ATP10A: variants seen among roughly 807,000 people sequenced by gnomAD.
ATP10A encodes phospholipid-transporting ATPase VA.
In ATP10A, 111 loss-of-function variants were observed where a neutral mutation model predicts 147.8. That is an observed-to-expected ratio of 0.75 (90% CI 0.64 to 0.88). The LOEUF is 0.88. Ranked by LOEUF, ATP10A falls within the 40% of genes least tolerant of loss-of-function variation. The probability of loss-of-function intolerance (pLI) is 0.00; values close to 1 mark genes in which losing one functional copy is unlikely to be tolerated. For synonymous variants in ATP10A, 875 were observed against 841.6 expected, an observed-to-expected ratio of 1.04 and a Z score of -0.69; for missense variants, 1,927 against 1,959.0, an observed-to-expected ratio of 0.98 and a Z score of 0.31.
intron 2 of ATP10A, among the ~76,000 whole-genome samples, chr15:25,767,157 G>C (rs369463369): frequency 6.6e-6 from 1 of 152,180 alleles, no homozygotes; most frequent in Non-Finnish European, 1.5e-5. Context: ...GACACTCACC[G>C]CTGCAGGCCT....
chr15:25,773,094 G>A (rs1889420798), intron 2 of ATP10A, among the ~76,000 whole-genome samples: 5 of 152,078 alleles, frequency 3.3e-5, no homozygotes, highest in South Asian at 4.1e-4. Context: ...TCCTGAAGTC[G>A]AGTTCTTGCT....
At chr15:25,804,965 C>T (rs1219481931) in intron 1 of ATP10A, among the ~76,000 whole-genome samples, 2 of 152,114 alleles carry the variant, frequency 1.3e-5, no homozygotes, top group South Asian at 4.1e-4. Context: ...GGAGGCTCTT[C>T]GTTTGGAAAA....
At chr15:25,827,079 A>C (rs916799248) in intron 1 of ATP10A, among the ~76,000 whole-genome samples, 5 of 152,240 alleles carry the variant, frequency 3.3e-5, no homozygotes, top group African/African-American at 1.2e-4. Context: ...CTGATCAGAA[A>C]TCATGAAGGA....
downstream of ATP10A, among the ~76,000 whole-genome samples, chr15:25,676,795 C>A (rs1348648017): frequency 6.6e-6 from 1 of 152,052 alleles, no homozygotes; most frequent in African/African-American, 2.4e-5. Context: ...TTACTTTCAA[C>A]CCACTATCTT....
At chr15:25,694,523 C>G (rs1409020596) in intron 14 of ATP10A, among the ~76,000 whole-genome samples, 1 of 152,188 alleles carries the variant, frequency 6.6e-6, no homozygotes, top group African/African-American at 2.4e-5. Context: ...CTGGGACAGG[C>G]AGGTCTCTTG....
At position 25,757,444 on chromosome 15, in the gene ATP10A, T is replaced by C. The variant is rs562152511; in HGVS notation, c.655-21303A>G. Among the ~76,000 whole-genome samples, 3 of 152,230 alleles carry C rather than the reference T, an allele frequency of 2.0e-5. No homozygotes were observed. The East Asian group carries it at 5.8e-4, about 29-fold the overall frequency. On this transcript the variant is annotated intron_variant, in intron 2 of 20. Coordinates refer to ENST00000555815, the MANE Select transcript of ATP10A (RefSeq NM_024490.4). ...AAATGTACAAAGAAAGTAAGATGTG[T>C]TTTTGGTGAGAAAAATCTTGAGAAG...
Position 25,687,765 on chromosome 15 carries a change from G to A in ATP10A, c.3229C>T (p.His1077Tyr). ...FRYLERLLILHGHWCYSRLAN... is the reference protein window; with the variant it reads ...FRYLERLLILYGHWCYSRLAN... ...AGTCGGGAGTAGCACCAATGCCCGT[G>A]AAGAATCAAGAGCCTCTCCAGGTAT... The change falls in exon 16 of 21, where the codon CAC becomes TAC. Residue 1077 changes from histidine (H) to tyrosine (Y), a missense_variant. Physicochemically the swap from His to Tyr is moderately conservative, Grantham distance 83. Transcript: ENST00000555815. The A allele has an allele frequency of 6.2e-7, 1 of 1,613,640 alleles. No individual in the cohort carries two copies. Among genetic ancestry groups the A allele is most frequent in the Non-Finnish European group, 8.5e-7 (1 of 1,179,644 alleles).
intron 1 of ATP10A, among the ~76,000 whole-genome samples, chr15:25,795,933 C>T (rs553485886): frequency 1.3e-5 from 2 of 152,124 alleles, no homozygotes; most frequent in African/African-American, 4.8e-5. Context: ...AGCCTGGCAC[C>T]CCCCTCCTCA....
At chr15:25,721,130 G>C (rs1288064370) in intron 7 of ATP10A, among the ~76,000 whole-genome samples, 1 of 152,208 alleles carries the variant, frequency 6.6e-6, no homozygotes, top group Admixed American at 6.5e-5. Flanking sequence ...AGGTTGGAAG[G>C]AGGCAGCCAC....
chr15:25,860,315 C>T (rs931383409), intron 1 of ATP10A, among the ~76,000 whole-genome samples: 6 of 152,196 alleles, frequency 3.9e-5, no homozygotes, highest in Non-Finnish European at 8.8e-5. Context: ...TTGTCCTGCA[C>T]TGGGACGCCT....
chr15:25,732,851 G>A (rs547542039), intron 3 of ATP10A, among the ~76,000 whole-genome samples: 2 of 151,866 alleles, frequency 1.3e-5, no homozygotes, highest in Non-Finnish European at 1.5e-5. Context: ...CACCGCGCCC[G>A]GCCACGACAC....
intron 1 of ATP10A, among the ~76,000 whole-genome samples, chr15:25,810,505 G>A (rs893868516): frequency 6.6e-6 from 1 of 152,192 alleles, no homozygotes; most frequent in Non-Finnish European, 1.5e-5. Flanking sequence ...GTGCCACTGG[G>A]ACTCTGGGCA....
intron 1 of ATP10A, among the ~76,000 whole-genome samples, chr15:25,860,678 G>A (rs1310639753): frequency 1.3e-5 from 2 of 152,154 alleles, no homozygotes; most frequent in Admixed American, 6.5e-5. Flanking sequence ...GGAGGGGAAC[G>A]TAGATGGGTG....
intron 2 of ATP10A, among the ~76,000 whole-genome samples, chr15:25,755,654 T>C (rs980625772): frequency 1.3e-5 from 2 of 152,150 alleles, no homozygotes; most frequent in South Asian, 4.1e-4. Flanking sequence ...GCCCAACCTC[T>C]GAAAATGGTC....
chr15:25,773,528 G>A (rs1889445309), intron 2 of ATP10A, among the ~76,000 whole-genome samples: 1 of 152,098 alleles, frequency 6.6e-6, no homozygotes, highest in Non-Finnish European at 1.5e-5. Flanking sequence ...CTCACGTAAT[G>A]CATGGGCTCA....
intron 16 of ATP10A, among the ~76,000 whole-genome samples, chr15:25,685,506 C>A (rs1281673464): frequency 1.3e-5 from 2 of 152,124 alleles, no homozygotes; most frequent in African/African-American, 2.4e-5. Context: ...GATCAGCTGG[C>A]TCAACTCACA....
At chr15:25,754,411 G>A (rs1209779260) in intron 2 of ATP10A, among the ~76,000 whole-genome samples, 1 of 152,164 alleles carries the variant, frequency 6.6e-6, no homozygotes, top group Non-Finnish European at 1.5e-5. Flanking sequence ...GGGATTACAG[G>A]CGAGAGCCAC....
At chr15:25,730,624 A>G (rs1034376276) in intron 3 of ATP10A, among the ~76,000 whole-genome samples, 1 of 152,170 alleles carries the variant, frequency 6.6e-6, no homozygotes, top group Non-Finnish European at 1.5e-5. Flanking sequence ...TTCCTCATCT[A>G]TATGAATCAG....
intron 2 of ATP10A, among the ~76,000 whole-genome samples, chr15:25,776,704 T>G (rs987372742): frequency 2.6e-4 from 40 of 152,226 alleles, no homozygotes; most frequent in African/African-American, 8.9e-4. Context: ...TGTCTAGGCC[T>G]CGCCTTCAGA....
Sources: gnomAD v4.1 joint callset for allele counts (sites outside exome capture counted in the v4.1 genomes callset) on GRCh38, gnomAD v4.1.1 for gene constraint, MANE v1.5 for transcripts, NCBI Gene and HGNC (gene_info 2026-07-23, HGNC 2026-07-21) for gene names.